The following TRIML1 variants were observed in gnomAD, a reference collection of about 807,000 sequenced individuals.
TRIML1 encodes tripartite motif family like 1.
A neutral mutation model predicts 32.3 loss-of-function variants in TRIML1; 34 were observed. The observed-to-expected ratio is 1.05, with a 90% CI of 0.80 to 1.40. The LOEUF is 1.40. Among genes scored for constraint, TRIML1 ranks in the 40% most tolerant of loss-of-function variants. TRIML1 has a pLI of 0.00. For synonymous variants in TRIML1, 244 were observed against 226.6 expected, an observed-to-expected ratio of 1.08 and a Z score of -0.69; for missense variants, 595 against 574.9, an observed-to-expected ratio of 1.03 and a Z score of -0.36.
chr4:188,146,544 G>A (rs549584933), intron 5 of TRIML1, among the ~76,000 whole-genome samples: 25 of 152,148 alleles, frequency 1.6e-4, no homozygotes, highest in Middle Eastern at 6.8e-3. Context: ...TGAGTAGTTC[G>A]GATTACAAGC....
At chr4:188,149,033 C>T (rs1008646711), downstream of TRIML1, among the ~76,000 whole-genome samples, 1 of 151,220 alleles carries the variant, frequency 6.6e-6, no homozygotes, top group African/African-American at 2.4e-5. Flanking sequence ...CCTGCCTCAG[C>T]CTCCCGAGTA....
downstream of TRIML1, among the ~76,000 whole-genome samples, chr4:188,148,901 CTTTTTTTT>C (rs34415263): frequency 4.9e-3 from 312 of 63,770 alleles, 4 homozygotes; most frequent in African/African-American, 0.02. Context: ...CGTGCCCAGG[CTTTTTTTT>C]TTTTTTTTTT....
At chr4:188,137,916 C>CTTT (rs1298700958), upstream of TRIML1, among the ~76,000 whole-genome samples, 965 of 131,528 alleles carry the variant, frequency 7.3e-3, 44 homozygotes, top group Middle Eastern at 0.027. Context: ...CCTGGCCAAA[C>CTTT]TTTTTTTCTT....
chr4:188,147,196 C>T lies in TRIML1; in HGVS notation c.1231C>T (p.Leu411=). 1 of 1,613,890 alleles carries T rather than the reference C, an allele frequency of 6.2e-7. No individual in the cohort carries two copies. The highest frequency in any genetic ancestry group is 8.5e-7 in the Non-Finnish European group (1 of 1,179,962). Residue 411 remains leucine (L), a synonymous_variant, in exon 6 of 6, where the codon CTG becomes TTG. Coordinates refer to ENST00000332517, the MANE Select transcript of TRIML1 (RefSeq NM_178556.5). ...GCCTGTGTGTAAGGTTGGTGTCTTC[C>T]TGGACTATGAATCTGGACATATAGC... ...REPVCKVGVF[L]DYESGHIAFY...
downstream of TRIML1, among the ~76,000 whole-genome samples, chr4:188,150,699 C>T (rs1017296894): frequency 1.1e-4 from 16 of 151,822 alleles, no homozygotes; most frequent in Non-Finnish European, 2.1e-4. Flanking sequence ...CCTAATTTTT[C>T]CTTTGGCAAA....
At chr4:188,149,769 C>T (rs952745241), downstream of TRIML1, among the ~76,000 whole-genome samples, 5 of 152,082 alleles carry the variant, frequency 3.3e-5, no homozygotes, top group African/African-American at 9.7e-5. Flanking sequence ...CCTCCTTAGA[C>T]TATCTGTGGC....
Position 188,142,367 on chromosome 4 carries a change from A to G in TRIML1, c.620A>G (p.Asn207Ser). 1 of 1,613,872 alleles carries G rather than the reference A, an allele frequency of 6.2e-7. No homozygotes were observed. The highest frequency in any genetic ancestry group is 1.1e-5 in the South Asian group (1 of 91,068). ...CTACTAGAACAGGAAGAGAAAGAGA[A>G]CATGAGGAAGCTGAGGAACAATGAG... is the stretch of plus-strand genomic sequence containing the variant. ...LQLLEQEEKE[N>S]MRKLRNNEIK... Residue 207 changes from asparagine (N) to serine (S), a missense_variant, in exon 3 of 6, where the codon AAC becomes AGC. Coordinates refer to ENST00000332517, the MANE Select transcript of TRIML1 (RefSeq NM_178556.5).
At chr4:188,145,870 C>G (rs62351466) in intron 5 of TRIML1, among the ~76,000 whole-genome samples, 40,329 of 151,894 alleles carry the variant, frequency 0.27, 5,594 homozygotes, top group Middle Eastern at 0.41. Flanking sequence ...GGTTCACAGA[C>G]TATGTGTGCT....
Position 188,147,389 on chromosome 4 carries a change from C to T in TRIML1, c.*17C>T, listed in dbSNP as rs371117749. 16 of 1,457,492 alleles carry T rather than the reference C, an allele frequency of 1.1e-5. No individual in the cohort carries two copies. Among genetic ancestry groups the T allele is most frequent in the South Asian group, 1.6e-5 (1 of 63,188 alleles). The allele number at this position is 1,457,492 out of a possible 1,614,324, so 90.3% of individuals were successfully genotyped here. ...CACGTCTGAGGGGCGTGCCCTGAGC[C>T]GTCACAGCGGGCGATGTCTGAGACC... On this transcript the variant is annotated 3_prime_UTR_variant, in exon 6 of 6. Transcript: ENST00000332517.
Position 188,139,497 on chromosome 4 carries a change from G to C in TRIML1, c.-62G>C. The C allele has an allele frequency of 6.7e-7, 1 of 1,500,438 alleles. No individual in the cohort carries two copies. 92.9% of individuals were successfully genotyped at this position (1,500,438 alleles called of 1,614,324 possible). A position where few individuals can be genotyped will look rare whatever the true frequency, so the allele number is the denominator to read the frequency against. Reference sequence around the variant, plus strand: ...TGTTACTCAAAACTGTAGGACGGCAGTGAGGGCTTTGCTAATCCCAGAACA... The same window carrying C: ...TGTTACTCAAAACTGTAGGACGGCACTGAGGGCTTTGCTAATCCCAGAACA... On this transcript the variant is annotated 5_prime_UTR_variant, in exon 1 of 6. Coordinates refer to ENST00000332517, the MANE Select transcript of TRIML1 (RefSeq NM_178556.5).
downstream of TRIML1, among the ~76,000 whole-genome samples, chr4:188,149,705 CT>C (rs1735200545): frequency 6.6e-6 from 1 of 152,192 alleles, no homozygotes; most frequent in Non-Finnish European, 1.5e-5. Context: ...TAATTCCCAC[CT>C]TGACATCACG....
At chr4:188,142,217 TG>T (rs1297474119) in intron 2 of TRIML1, 34 bp from the exon 3 acceptor site, 1 of 744,968 alleles carries the variant, frequency 1.3e-6, no homozygotes, top group Admixed American at 3.3e-5. Context: ...CGTGTGTGTG[TG>T]TGTGTGTGTG....
chr4:188,138,978 AG>A (rs1235010554), upstream of TRIML1, among the ~76,000 whole-genome samples: 1 of 152,106 alleles, frequency 6.6e-6, no homozygotes, highest in Non-Finnish European at 1.5e-5. Flanking sequence ...TACCCAATAA[AG>A]GAACAAAAGC....
At chr4:188,149,910 C>T (rs2111243667), downstream of TRIML1, among the ~76,000 whole-genome samples, 1 of 152,246 alleles carries the variant, frequency 6.6e-6, no homozygotes, top group East Asian at 1.9e-4. Flanking sequence ...TCAAACGATT[C>T]TCCTGCCTCA....
chr4:188,146,442 C>T (rs1735083357), intron 5 of TRIML1, among the ~76,000 whole-genome samples: 1 of 152,182 alleles, frequency 6.6e-6, no homozygotes, highest in Non-Finnish European at 1.5e-5. Context: ...CTGAGTCTTG[C>T]TCTGTCGCCC....
downstream of TRIML1, among the ~76,000 whole-genome samples, chr4:188,149,949 C>T (rs927501667): frequency 1.3e-5 from 2 of 151,690 alleles, no homozygotes; most frequent in African/African-American, 4.8e-5. Flanking sequence ...ACTACAGGTG[C>T]TCGCGCACCA....
chr4:188,149,480 G>A (rs1033827030), downstream of TRIML1, among the ~76,000 whole-genome samples: 3 of 131,862 alleles, frequency 2.3e-5, no homozygotes, highest in Non-Finnish European at 5.0e-5. Context: ...AGCACACAAG[G>A]CCTTAAAAAG....
chr4:188,149,350 G>A (rs28584134), downstream of TRIML1, among the ~76,000 whole-genome samples: 1 of 152,084 alleles, frequency 6.6e-6, no homozygotes, highest in Non-Finnish European at 1.5e-5. Context: ...CAGTGGATAC[G>A]ATTTAACCAC....
At position 188,147,047 on chromosome 4, in the gene TRIML1, CTG is replaced by C. The variant is rs546621163; in HGVS notation, c.1085_1086del (p.Val362GlufsTer24). 3.0e-5 allele frequency: 49 copies of C among 1,612,670 alleles called. No individual in the cohort carries two copies. In the East Asian group the frequency reaches 1.0e-3, roughly 33 times the overall value. The stretch of plus-strand genomic sequence containing the variant: ...TGGGAAGTGGGCATCTGCAAGGACT[CTG>C]TGAGCAGAAAGGGGAATCTCCCCAA... On this transcript the variant is annotated frameshift_variant, in exon 6 of 6. Coordinates refer to ENST00000332517, the MANE Select transcript of TRIML1 (RefSeq NM_178556.5). LOFTEE classifies it low-confidence loss of function (END_TRUNC).
Sources: gnomAD v4.1 joint callset for allele counts (sites outside exome capture counted in the v4.1 genomes callset) on GRCh38, gnomAD v4.1.1 for gene constraint, MANE v1.5 for transcripts, NCBI Gene and HGNC (gene_info 2026-07-23, HGNC 2026-07-21) for gene names.